DPP6: variants seen among roughly 807,000 people sequenced by gnomAD.
The protein encoded by DPP6 is dipeptidyl peptidase like 6, also known as A-type potassium channel modulatory protein DPP6.
In DPP6, 69 loss-of-function variants were observed where a neutral mutation model predicts 122.6. The observed-to-expected ratio is 0.56, with a 90% CI of 0.46 to 0.69. DPP6 has a LOEUF of 0.69. Ranked by LOEUF, DPP6 falls within the 30% of genes least tolerant of loss-of-function variation. The pLI, the probability that DPP6 is intolerant of heterozygous loss-of-function variation, is 0.00. For synonymous variants in DPP6, 418 were observed against 433.1 expected, an observed-to-expected ratio of 0.97 and a Z score of 0.43; for missense variants, 928 against 1,116.9, an observed-to-expected ratio of 0.83 and a Z score of 2.41.
the DPP6 span, among the ~76,000 whole-genome samples, chr7:153,774,432 T>C: frequency 6.6e-6 from 1 of 152,178 alleles, no homozygotes; most frequent in African/African-American, 2.4e-5. Context: ...GTGTCAGTTG[T>C]TTACATGTTA....
the DPP6 span, among the ~76,000 whole-genome samples, chr7:153,750,146 G>A: frequency 2.0e-5 from 3 of 152,212 alleles, no homozygotes; most frequent in Admixed American, 6.5e-5. Context: ...AGGAATTCTT[G>A]TTCTGTTTGA....
chr7:154,223,109 A>G (rs1800400553), intron 1 of DPP6, among the ~76,000 whole-genome samples: 1 of 148,890 alleles, frequency 6.7e-6, no homozygotes, highest in African/African-American at 2.6e-5. Context: ...GGCATTTGGC[A>G]TTTTTGCATG....
rs1002177292 is a variant in DPP6, at chr7:154,486,939, C to T, written c.457+11902C>T. On this transcript the variant is annotated intron_variant, in intron 3 of 25. Coordinates refer to ENST00000377770, the MANE Select transcript of DPP6 (RefSeq NM_130797.4). This position sits in a 1 kb window ranked among gnomAD's most constrained non-coding sequence, Gnocchi z 4.5. ...ATTTGGGGACTCAAGTCTCTGCAGGCTCCACTGGGCCAACTTGCTTCCTGC... is the reference window on the plus strand; with the variant it reads ...ATTTGGGGACTCAAGTCTCTGCAGGTTCCACTGGGCCAACTTGCTTCCTGC... Among the ~76,000 whole-genome samples the T allele has an allele frequency of 2.6e-5, 4 of 152,140 alleles. No individual in the cohort carries two copies. Among genetic ancestry groups the T allele is most frequent in the African/African-American group, 9.7e-5 (4 of 41,420 alleles).
At chr7:153,975,581 C>T (rs1460473261) in intron 1 of DPP6, among the ~76,000 whole-genome samples, 2 of 150,830 alleles carry the variant, frequency 1.3e-5, no homozygotes, top group Non-Finnish European at 2.9e-5. Context: ...AATGAGAGTT[C>T]TATTTTTTTT....
chr7:154,323,491 C>T (rs1808154723), intron 1 of DPP6, among the ~76,000 whole-genome samples: 1 of 152,182 alleles, frequency 6.6e-6, no homozygotes, highest in Non-Finnish European at 1.5e-5. Context: ...GTCAAGCTCT[C>T]CACAAAAGGT....
At chr7:153,991,285 A>G (rs1416363835) in intron 1 of DPP6, among the ~76,000 whole-genome samples, 1 of 152,162 alleles carries the variant, frequency 6.6e-6, no homozygotes, top group African/African-American at 2.4e-5. Flanking sequence ...ATACTTATAT[A>G]TCTTTTAGAG....
intron 3 of DPP6, among the ~76,000 whole-genome samples, chr7:154,511,914 C>T (rs572278480): frequency 3.9e-5 from 6 of 152,250 alleles, no homozygotes; most frequent in East Asian, 1.9e-4. Flanking sequence ...ATTTAAGTTA[C>T]GAGTGAAGCA....
chr7:154,678,747 T>G (rs556018311), intron 7 of DPP6, among the ~76,000 whole-genome samples: 18 of 152,338 alleles, frequency 1.2e-4, no homozygotes, highest in African/African-American at 4.3e-4. Flanking sequence ...TAACAAAAGC[T>G]TTGGAGTCAA....
Position 154,418,888 on chromosome 7 carries a change from C to T in DPP6, c.244-27326C>T, listed in dbSNP as rs1318888414. Among the ~76,000 whole-genome samples, 3 of 152,302 alleles carry T rather than the reference C, an allele frequency of 2.0e-5. No homozygotes were observed. The East Asian group carries it at 5.8e-4, about 29-fold the overall frequency. On this transcript the variant is annotated intron_variant, in intron 1 of 25. Transcript: ENST00000377770. ...TCAGGACAAGCGTGTTCAAGTACCA[C>T]CAGCCAGGAAGGCCAACCAGGGCAA... is the stretch of plus-strand genomic sequence containing the variant.
At chr7:154,853,938 G>A in intron 17 of DPP6, 111 bp downstream of exon 17, 1 of 1,445,352 alleles carries the variant, frequency 6.9e-7, no homozygotes, top group East Asian at 2.3e-5. Context: ...AGAGGGATGA[G>A]TCATGTCCTA....
intron 5 of DPP6, among the ~76,000 whole-genome samples, chr7:154,585,706 A>G (rs1832395219): frequency 6.6e-6 from 1 of 152,342 alleles, no homozygotes; most frequent in African/African-American, 2.4e-5. Context: ...GTTCTACTGT[A>G]TTGCTTAGGA....
At chr7:153,759,491 TTG>T in the DPP6 span, among the ~76,000 whole-genome samples, 1,365 of 151,274 alleles carry the variant, frequency 9.0e-3, 16 homozygotes, top group African/African-American at 0.031. Flanking sequence ...CCAGCTAATT[TTG>T]TGTGTGTGTG....
At chr7:154,276,795 C>T (rs1019234411) in intron 1 of DPP6, among the ~76,000 whole-genome samples, 4 of 152,020 alleles carry the variant, frequency 2.6e-5, no homozygotes, top group African/African-American at 4.8e-5. Context: ...TCCACAGATC[C>T]ACACATAAGT....
chr7:154,784,641 T>A (rs1797230256), intron 10 of DPP6, among the ~76,000 whole-genome samples: 1 of 152,108 alleles, frequency 6.6e-6, no homozygotes, highest in Non-Finnish European at 1.5e-5. Context: ...CCCTTACCTG[T>A]TCCGAGTTTG....
At chr7:153,827,486 A>T in the DPP6 span, among the ~76,000 whole-genome samples, 8,008 of 152,186 alleles carry the variant, frequency 0.053, 670 homozygotes, top group African/African-American at 0.18. Flanking sequence ...CGACTGGAGG[A>T]AGAAACCAGG....
chr7:154,652,878 T>TA (rs1563063153), intron 6 of DPP6, among the ~76,000 whole-genome samples: 1 of 151,996 alleles, frequency 6.6e-6, no homozygotes, highest in South Asian at 2.1e-4. Flanking sequence ...CTTCAGAAAG[T>TA]AAAAAACATG....
chr7:154,080,835 G>A (rs1803943849), intron 1 of DPP6, among the ~76,000 whole-genome samples: 1 of 152,134 alleles, frequency 6.6e-6, no homozygotes, highest in African/African-American at 2.4e-5. Context: ...CGAGGAACAG[G>A]CTAGGAGGTC....
intron 4 of DPP6, among the ~76,000 whole-genome samples, chr7:154,549,779 T>A (rs1177223595): frequency 6.6e-6 from 1 of 152,072 alleles, no homozygotes; most frequent in Non-Finnish European, 1.5e-5. Flanking sequence ...CAACATGGGG[T>A]AGATCATGAC....
chr7:154,059,427 G>C (rs555909795), intron 1 of DPP6: 1 of 137,688 alleles, frequency 7.3e-6, no homozygotes, highest in East Asian at 2.1e-4. Flanking sequence ...TCCGACGGCA[G>C]GTACCTTACA....
Sources: allele counts gnomAD v4.1 joint callset (sites outside exome capture counted in the v4.1 genomes callset), GRCh38; gene constraint gnomAD v4.1.1; non-coding constraint Gnocchi (gnomAD v3.1); transcripts MANE v1.5; gene names NCBI Gene and HGNC (gene_info 2026-07-23, HGNC 2026-07-21).